Variants in EEA1 observed in about 807,000 individuals in gnomAD.
EEA1 encodes the protein early endosome antigen 1, 162kD.
EEA1 carries 111 observed loss-of-function variants against 209.2 expected under a neutral mutation model. The ratio of observed to expected loss-of-function variants is 0.53; its 90% CI spans 0.45 to 0.62. The LOEUF (loss-of-function observed/expected upper bound fraction) is 0.62. Ranked by LOEUF, EEA1 falls within the 20% of genes least tolerant of loss-of-function variation. The probability of loss-of-function intolerance (pLI) is 0.00; values close to 1 mark genes in which losing one functional copy is unlikely to be tolerated. For synonymous variants in EEA1, 536 were observed against 540.6 expected, an observed-to-expected ratio of 0.99 and a Z score of 0.12; for missense variants, 1,343 against 1,530.8, an observed-to-expected ratio of 0.88 and a Z score of 2.05.
chr12:92,856,992 C>T (rs901084743), intron 5 of EEA1, among the ~76,000 whole-genome samples: 9 of 151,840 alleles, frequency 5.9e-5, no homozygotes, highest in African/African-American at 2.2e-4. Context: ...AGGCTGGTCT[C>T]GAACTCCTGG....
At chr12:92,779,061 G>GTTTAAA in intron 25 of EEA1, 54 bp downstream of exon 25, 1 of 1,460,850 alleles carries the variant, frequency 6.8e-7, no homozygotes, top group Non-Finnish European at 9.2e-7. Flanking sequence ...TCCTCTCACT[G>GTTTAAA]GATTGATTTA....
At chr12:92,883,858 A>C in intron 2 of EEA1, 1 of 1,602,664 alleles carries the variant, frequency 6.2e-7, no homozygotes. Flanking sequence ...AACCGATGAG[A>C]GCCTGAGGAG....
In EEA1 at chr12:92,809,267, A is replaced by AT. The variant is rs1811882999; in HGVS notation, c.2200-112_2200-111insA. 4.1e-6 allele frequency: 3 copies of AT among 737,566 alleles called. No individual in the cohort carries two copies. The African/African-American group carries it at 5.5e-5, about 14-fold the overall frequency. The allele number at this position is 737,566 out of a possible 1,614,324, so 45.7% of individuals were successfully genotyped here. A position where few individuals can be genotyped will look rare whatever the true frequency, so the allele number is the denominator to read the frequency against. ...TCAAACAGGTGTGACATACAAAAAA[A>AT]AATTTATTATAATAAAAAACATATT... On this transcript the variant is annotated intron_variant, in intron 17 of 28. Coordinates refer to ENST00000322349, the MANE Select transcript of EEA1 (RefSeq NM_003566.4).
rs753021293 is a variant in EEA1, at chr12:92,852,181, C to T, written c.636G>A (p.Thr212=). Residue 212 remains threonine, a synonymous_variant, in exon 8 of 29, where the codon ACG becomes ACA. Transcript: ENST00000322349. ...TAAATAATTCCTAAATTACCAGTTC[C>T]GTCTTCAGATCTTGAATTACAGTTG... ...KEATVIQDLK[T]ELLQRPGIED... is the part of the protein sequence containing the mutation. The T allele has an allele frequency of 1.2e-5, 19 of 1,573,966 alleles. No individual in the cohort carries two copies. Among genetic ancestry groups the T allele is most frequent in the South Asian group, 3.6e-5 (3 of 83,424 alleles).
Position 92,929,181 on chromosome 12 carries a change from G to T in EEA1, c.-115C>A. ...GGGCCGGGAGGGGACCGGGAAGGAG[G>T]TCGGGGCGAGGCGGTGGCGACGGCC... On this transcript the variant is annotated 5_prime_UTR_variant, in exon 1 of 29. Transcript: ENST00000322349. The T allele has an allele frequency of 8.8e-7, 1 of 1,133,528 alleles. No homozygotes were observed. Among genetic ancestry groups the T allele is most frequent in the Non-Finnish European group, 1.2e-6 (1 of 805,046 alleles). The allele number at this position is 1,133,528 out of a possible 1,614,324, so 70.2% of individuals were successfully genotyped here. A position where few individuals can be genotyped will look rare whatever the true frequency, so the allele number is the denominator to read the frequency against.
At chr12:92,818,673 T>C (rs1430804507) in intron 14 of EEA1, among the ~76,000 whole-genome samples, 31 of 152,216 alleles carry the variant, frequency 2.0e-4, no homozygotes, top group Admixed American at 2.0e-3. Flanking sequence ...TACTTTGTTT[T>C]AAATATTTTC....
At position 92,832,888 on chromosome 12, in the gene EEA1, TA is replaced by T. The variant is rs755185737; in HGVS notation, c.916-39del. 4 of 1,433,404 alleles carry T rather than the reference TA, an allele frequency of 2.8e-6. No individual in the cohort carries two copies. In the African/African-American group the frequency reaches 4.3e-5, roughly 15 times the overall value. 88.8% of individuals were successfully genotyped at this position (1,433,404 alleles called of 1,614,324 possible). A position where few individuals can be genotyped will look rare whatever the true frequency, so the allele number is the denominator to read the frequency against. On this transcript the variant is annotated intron_variant, in intron 10 of 28. Coordinates refer to ENST00000322349, the MANE Select transcript of EEA1 (RefSeq NM_003566.4). ...TTTAACAATTTATTTCCTTTTCTAA[TA>T]TTTTTAATTACTCCAATTACTCAAA...
intron 20 of EEA1, among the ~76,000 whole-genome samples, chr12:92,801,308 T>C (rs1874897628): frequency 6.6e-6 from 1 of 151,970 alleles, no homozygotes; most frequent in Admixed American, 6.6e-5. Flanking sequence ...TTTTCTACCT[T>C]TATTAATAAT....
chr12:92,853,037 T>TGTC lies in EEA1; in HGVS notation c.407-15_407-13dup, dbSNP rs763007368. 2.0e-6 allele frequency: 3 copies of TGTC among 1,535,242 alleles called. No homozygotes were observed. Among genetic ancestry groups the TGTC allele is most frequent in the Non-Finnish European group, 2.7e-6 (3 of 1,119,660 alleles). The stretch of plus-strand genomic sequence containing the variant: ...CAAAGACTGTAGTTCTACAAAAAAG[T>TGTC]GTCGCAGTTATTCAAATACCATGTT... On this transcript the variant is annotated splice_polypyrimidine_tract_variant and intron_variant, in intron 6 of 28. Transcript: ENST00000322349.
chr12:92,877,534 A>AT (rs113091247), intron 2 of EEA1, among the ~76,000 whole-genome samples: 8,701 of 148,036 alleles, frequency 0.059, 804 homozygotes, highest in African/African-American at 0.2. Flanking sequence ...AATTAAAATA[A>AT]TTTTTTTTTT....
At chr12:92,816,071 A>G (rs1021878306) in intron 15 of EEA1, 129 bp downstream of exon 15, 5 of 772,964 alleles carry the variant, frequency 6.5e-6, no homozygotes, top group African/African-American at 1.8e-5. Context: ...ATCTAGATAT[A>G]GCCTTTATCT....
chr12:92,845,473 A>G (rs1877351499), intron 9 of EEA1, among the ~76,000 whole-genome samples: 1 of 152,136 alleles, frequency 6.6e-6, no homozygotes, highest in Admixed American at 6.5e-5. Flanking sequence ...AAAGATCTCT[A>G]TTCATACTGA....
chr12:92,879,622 T>G (rs915378412), intron 2 of EEA1, among the ~76,000 whole-genome samples: 26 of 151,720 alleles, frequency 1.7e-4, no homozygotes, highest in African/African-American at 6.3e-4. Flanking sequence ...CTTAAGCTGA[T>G]CAGAAAAAAA....
chr12:92,870,427 C>T (rs1392775611), intron 2 of EEA1, among the ~76,000 whole-genome samples: 2 of 152,292 alleles, frequency 1.3e-5, no homozygotes, highest in African/African-American at 4.8e-5. Flanking sequence ...ATGGGCAGCG[C>T]TTCCCCTAAC....
intron 2 of EEA1, among the ~76,000 whole-genome samples, chr12:92,882,216 T>G (rs954314757): frequency 1.1e-4 from 16 of 152,032 alleles, no homozygotes; most frequent in African/African-American, 3.9e-4. Flanking sequence ...CAAGTGATTC[T>G]CCTGCCTCAG....
intron 21 of EEA1, among the ~76,000 whole-genome samples, chr12:92,798,686 T>TA (rs1355221140): frequency 1.3e-5 from 2 of 152,152 alleles, no homozygotes. Context: ...AAATAACAAT[T>TA]ATCTGACAAG....
chr12:92,887,841 G>GA, intron 2 of EEA1, among the ~76,000 whole-genome samples: 1 of 151,714 alleles, frequency 6.6e-6, no homozygotes. Context: ...GGCAATATCA[G>GA]AAAAAAATTG....
chr12:92,812,026 T>C (rs73217845), intron 16 of EEA1, among the ~76,000 whole-genome samples: 39,176 of 152,008 alleles, frequency 0.26, 5,544 homozygotes, highest in Non-Finnish European at 0.32. Context: ...TTCTGTATTG[T>C]TTTTTAAAAA....
At chr12:92,873,382 TGAA>T (rs1878736698) in intron 2 of EEA1, among the ~76,000 whole-genome samples, 1 of 152,098 alleles carries the variant, frequency 6.6e-6, no homozygotes, top group Non-Finnish European at 1.5e-5. Flanking sequence ...AATGAGAATA[TGAA>T]GAAGAAAGTT....
Sources: gnomAD v4.1 joint callset for allele counts (sites outside exome capture counted in the v4.1 genomes callset) on GRCh38, gnomAD v4.1.1 for gene constraint, MANE v1.5 for transcripts, NCBI Gene and HGNC (gene_info 2026-07-23, HGNC 2026-07-21) for gene names.